Variants in GSE1 observed in about 807,000 individuals in gnomAD.
The protein encoded by GSE1 is genetic suppressor element 1.
A neutral mutation model predicts 112.6 loss-of-function variants in GSE1; 32 were observed. The ratio of observed to expected loss-of-function variants is 0.28; its 90% CI spans 0.21 to 0.38. The LOEUF (loss-of-function observed/expected upper bound fraction) is 0.38, where lower values mean the gene tolerates loss of function less well. GSE1 is among the 10% of genes least tolerant of loss of function. The probability of loss-of-function intolerance (pLI) is 1.00; values close to 1 mark genes in which losing one functional copy is unlikely to be tolerated. For synonymous variants in GSE1, 1,115 were observed against 735.6 expected (o/e 1.52, Z -8.35); for missense variants, 2,348 against 1,699.2 (o/e 1.38, Z -6.71).
rs1442909435 is a variant in GSE1 at position 85,519,659 on chromosome 16, C to T, written c.2465-114255C>T. On this transcript the variant is annotated intron_variant, in intron 2 of 2. Coordinates refer to the GSE1 transcript ENST00000637419. The stretch of plus-strand genomic sequence containing the variant: ...GTCTCCATCATCATCACCTTCACCA[C>T]CATCACCACAGTCTCCATCACCTTC... Among the ~76,000 whole-genome samples the T allele has an allele frequency of 1.9e-3, 285 of 150,866 alleles. 2 individuals are homozygous for T. The highest frequency in any genetic ancestry group is 5.9e-3 in the African/African-American group (241 of 41,124).
intron 2 of GSE1, among the ~76,000 whole-genome samples, chr16:85,404,225 T>A (rs2048197934): frequency 1.2e-5 from 1 of 81,772 alleles, no homozygotes; most frequent in Non-Finnish European, 2.4e-5. Context: ...ACCGTTACAC[T>A]CAGGGCCCCC....
intron 2 of GSE1, among the ~76,000 whole-genome samples, chr16:85,522,402 C>T (rs919057798): frequency 6.6e-6 from 1 of 151,970 alleles, no homozygotes; most frequent in African/African-American, 2.4e-5. Flanking sequence ...CAGCCCATCC[C>T]TCCCCATGTC....
At chr16:85,632,074 G>A (rs1243186698) in intron 1 of GSE1, among the ~76,000 whole-genome samples, 1 of 152,152 alleles carries the variant, frequency 6.6e-6, no homozygotes, top group Non-Finnish European at 1.5e-5. Context: ...CAGAGCCCCC[G>A]CCCTCCCGCT....
At chr16:85,616,822 G>A (rs528348399) in intron 1 of GSE1, among the ~76,000 whole-genome samples, 6 of 152,084 alleles carry the variant, frequency 3.9e-5, no homozygotes, top group South Asian at 4.2e-4. Context: ...GTGACGTTTC[G>A]GAGTGTCGCT....
intron 1 of GSE1, among the ~76,000 whole-genome samples, chr16:85,617,658 T>C (rs1212253253): frequency 7.3e-6 from 1 of 136,694 alleles, no homozygotes; most frequent in Non-Finnish European, 1.5e-5. Flanking sequence ...CTCTGCTTTC[T>C]TCCAGAGCAG....
At chr16:85,169,545 G>C in exon 1 of GSE1, 3 of 964,310 alleles carry the variant, frequency 3.1e-6, no homozygotes, top group Non-Finnish European at 3.7e-6. Context: ...GGCCGGCCCC[G>C]GTCTCCCGCA....
intron 2 of GSE1, among the ~76,000 whole-genome samples, chr16:85,542,627 G>A (rs2044561190): frequency 6.6e-6 from 1 of 152,274 alleles, no homozygotes; most frequent in Non-Finnish European, 1.5e-5. Context: ...GACTGTGACT[G>A]CTAACTAAGA....
At chr16:85,596,323 G>A (rs190543630) in intron 1 of GSE1, among the ~76,000 whole-genome samples, 1 of 152,274 alleles carries the variant, frequency 6.6e-6, no homozygotes, top group African/African-American at 2.4e-5. Context: ...AGTTCCCCGG[G>A]GAGGAGCAGT....
intron 2 of GSE1, among the ~76,000 whole-genome samples, chr16:85,526,935 A>G (rs991867525): frequency 2.6e-5 from 4 of 152,262 alleles, no homozygotes; most frequent in African/African-American, 9.6e-5. Flanking sequence ...AAATGAGTTC[A>G]TCTATTTAAT....
chr16:85,171,197 C>T (rs887392965), exon 1 of GSE1: 2 of 985,692 alleles, frequency 2.0e-6, no homozygotes, highest in Non-Finnish European at 1.2e-6. Flanking sequence ...GAGCTCATCA[C>T]CTCCGTGCAG....
chr16:85,250,627 A>T (rs1388264105), intron 1 of GSE1, among the ~76,000 whole-genome samples: 1 of 152,242 alleles, frequency 6.6e-6, no homozygotes, highest in Non-Finnish European at 1.5e-5. Flanking sequence ...GCATTTTGTA[A>T]GTGCTATTTT....
intron 3 of GSE1, among the ~76,000 whole-genome samples, chr16:85,653,512 T>A (rs2051621031): frequency 6.6e-6 from 1 of 151,214 alleles, no homozygotes; most frequent in Non-Finnish European, 1.5e-5. Flanking sequence ...GCTTTGTGCC[T>A]GGAGAAGACC....
chr16:85,271,993 AC>A (rs1394017170), intron 1 of GSE1, among the ~76,000 whole-genome samples: 3 of 152,126 alleles, frequency 2.0e-5, no homozygotes, highest in Non-Finnish European at 1.5e-5. Flanking sequence ...CCCCTTCCAA[AC>A]CACTGTGTCA....
intron 2 of GSE1, among the ~76,000 whole-genome samples, chr16:85,363,142 CATT>C (rs1044231089): frequency 4.6e-5 from 7 of 152,168 alleles, no homozygotes; most frequent in Non-Finnish European, 1.0e-4. Flanking sequence ...CGCTGGATAT[CATT>C]ATTAATACAG....
chr16:85,250,131 A>G (rs904762871), intron 1 of GSE1, among the ~76,000 whole-genome samples: 5 of 152,186 alleles, frequency 3.3e-5, no homozygotes, highest in Non-Finnish European at 7.4e-5. Flanking sequence ...AGTTTCGTCC[A>G]CCAACTTGAG....
intron 11 of GSE1, chr16:85,664,487 T>C (rs2052675894): frequency 6.6e-6 from 1 of 152,418 alleles, no homozygotes; most frequent in Non-Finnish European, 1.5e-5. Context: ...CCCTGAATTT[T>C]TGGAGGAAAA....
At position 85,495,386 on chromosome 16, in the gene GSE1, G is replaced by C. The variant is rs1349983373; in HGVS notation, c.2464+137743G>C. On this transcript the variant is annotated intron_variant, in intron 2 of 2. Transcript: ENST00000637419. ...CAGGACACCGACAAAGGCCGATACT[G>C]TCTTGCTGGGTTTGAAGCTCAGATG... 3.3e-5 allele frequency among the ~76,000 whole-genome samples: 5 copies of C among 152,286 alleles called. No individual in the cohort carries two copies. The East Asian group carries it at 7.7e-4, about 24-fold the overall frequency.
At chr16:85,306,376 G>C (rs1332153631) in intron 1 of GSE1, 1 of 154,122 alleles carries the variant, frequency 6.5e-6, no homozygotes. Flanking sequence ...GCAGTTGAGG[G>C]AAGTGGGGCT....
chr16:85,422,602 A>G (rs960437100), intron 2 of GSE1, among the ~76,000 whole-genome samples: 4 of 150,256 alleles, frequency 2.7e-5, no homozygotes, highest in African/African-American at 9.8e-5. Context: ...AAAAAAGCAG[A>G]CAGTAGGAGA....
Sources: gnomAD v4.1 joint callset for allele counts (sites outside exome capture counted in the v4.1 genomes callset) on GRCh38, gnomAD v4.1.1 for gene constraint, MANE v1.5 for transcripts, NCBI Gene and HGNC (gene_info 2026-07-23, HGNC 2026-07-21) for gene names.